AKT2: variants seen among roughly 807,000 people sequenced by gnomAD.
The protein encoded by AKT2 is RAC-beta serine/threonine-protein kinase.
AKT2 carries 16 observed loss-of-function variants against 58.6 expected under a neutral mutation model. The ratio of observed to expected loss-of-function variants is 0.27; its 90% CI spans 0.18 to 0.41. AKT2 has a LOEUF of 0.41. AKT2 is among the 10% of genes least tolerant of loss of function. The probability of loss-of-function intolerance (pLI) is 1.00; values close to 1 mark genes in which losing one functional copy is unlikely to be tolerated. For synonymous variants in AKT2, 253 were observed against 254.0 expected, an observed-to-expected ratio of 1.00 and a Z score of 0.04; for missense variants, 438 against 661.0, an observed-to-expected ratio of 0.66 and a Z score of 3.70.
At position 40,232,735 on chromosome 19, in the gene AKT2, C is replaced by T. The variant is rs967843573; in HGVS notation, c.*1137G>A. ...GCCCTCACACAAACACACATGCACA[C>T]ACACCCACGTGTGCCTGCGTCCCGC... On this transcript the variant is annotated 3_prime_UTR_variant, in exon 14 of 14. Coordinates refer to ENST00000392038, the MANE Select transcript of AKT2 (RefSeq NM_001626.6). 8.6e-6 allele frequency: 2 copies of T among 233,482 alleles called. No individual in the cohort carries two copies. Among genetic ancestry groups the T allele is most frequent in the African/African-American group, 4.4e-5 (2 of 45,356 alleles). 14.5% of individuals were successfully genotyped at this position (233,482 alleles called of 1,614,324 possible).
At chr19:40,279,751 G>A (rs1241457994) in intron 1 of AKT2, 1 of 152,100 alleles carries the variant, frequency 6.6e-6, no homozygotes, top group Non-Finnish European at 1.5e-5. Context: ...GGGCTACTGA[G>A]CTGTGGTGGG....
chr19:40,257,584 CAA>C (rs1390801273), intron 2 of AKT2, among the ~76,000 whole-genome samples: 2 of 98,572 alleles, frequency 2.0e-5, no homozygotes, highest in Non-Finnish European at 4.3e-5. Flanking sequence ...CCTATGCACA[CAA>C]ACACACACAC....
chr19:40,233,193 T>G lies in AKT2; in HGVS notation c.*679A>C. Reference sequence around the variant, plus strand: ...TGCCTCATCCATAGGGTGAGGACAGTTTGGTGGGGAGGAGGCCGGACCAGG... The same window carrying G: ...TGCCTCATCCATAGGGTGAGGACAGGTTGGTGGGGAGGAGGCCGGACCAGG... On this transcript the variant is annotated 3_prime_UTR_variant, in exon 14 of 14. Coordinates refer to ENST00000392038, the MANE Select transcript of AKT2 (RefSeq NM_001626.6). This position sits in a 1 kb window ranked among gnomAD's most constrained non-coding sequence, Gnocchi z 4.3. 3.8e-6 allele frequency: 1 copy of G among 262,798 alleles called. No homozygotes were observed. The allele number at this position is 262,798 out of a possible 1,614,324, so 16.3% of individuals were successfully genotyped here. A position where few individuals can be genotyped will look rare whatever the true frequency, so the allele number is the denominator to read the frequency against.
chr19:40,239,352 C>T (rs910653541), intron 7 of AKT2: 9 of 244,202 alleles, frequency 3.7e-5, no homozygotes, highest in Non-Finnish European at 7.3e-5. Context: ...ACTTCAATGA[C>T]AGGATGGACA....
intron 1 of AKT2, among the ~76,000 whole-genome samples, chr19:40,280,330 C>T (rs112648130): frequency 2.0e-5 from 3 of 152,176 alleles, no homozygotes; most frequent in African/African-American, 7.2e-5. Context: ...GTAACAGCCA[C>T]GGGCTCTGGA....
chr19:40,252,555 T>A (rs925588342), intron 4 of AKT2, among the ~76,000 whole-genome samples: 1 of 151,988 alleles, frequency 6.6e-6, no homozygotes, highest in African/African-American at 2.4e-5. Flanking sequence ...GTAACTACCC[T>A]GGGACAAACC....
At chr19:40,264,402 T>C (rs1027191428) in intron 2 of AKT2, among the ~76,000 whole-genome samples, 3 of 152,134 alleles carry the variant, frequency 2.0e-5, no homozygotes, top group Non-Finnish European at 4.4e-5. Flanking sequence ...TACAAATGGA[T>C]CAGGCCACGC....
At chr19:40,268,064 G>C (rs1484342217) in intron 1 of AKT2, among the ~76,000 whole-genome samples, 1 of 152,142 alleles carries the variant, frequency 6.6e-6, no homozygotes, top group Non-Finnish European at 1.5e-5. Context: ...AACACCAAGG[G>C]CCTTCTGGGC....
rs1974441376 is a variant in AKT2, at chr19:40,242,050, T to C, written c.461A>G (p.Tyr154Cys). ...RAKVTMNDFDYLKLLGKGTFG... is the reference protein window; with the variant it reads ...RAKVTMNDFDCLKLLGKGTFG... ...GGTTCCCTTGCCAAGGAGTTTGAGA[T>C]AGTCGAAGTCATTCATGGTCTGCCA... The change falls in exon 6 of 14, where the codon TAT (tyrosine) becomes TGT (cysteine). Residue 154 changes from tyrosine to cysteine, a missense_variant. This residue lies in a region of AKT2 where 244 missense variants were observed against 347.1 expected (regional missense o/e 0.70). Coordinates refer to ENST00000392038, the MANE Select transcript of AKT2 (RefSeq NM_001626.6). This position sits in a 1 kb window ranked among gnomAD's most constrained non-coding sequence, Gnocchi z 4.3. The C allele has an allele frequency of 3.1e-6, 5 of 1,614,218 alleles. No individual in the cohort carries two copies. Among genetic ancestry groups the C allele is most frequent in the Non-Finnish European group, 3.4e-6 (4 of 1,180,036 alleles).
intron 4 of AKT2, among the ~76,000 whole-genome samples, chr19:40,248,245 A>G (rs560542839): frequency 6.6e-6 from 1 of 152,360 alleles, no homozygotes; most frequent in Admixed American, 6.5e-5. Flanking sequence ...GACACTAGAC[A>G]TAAAGTGCTG....
In AKT2 at chr19:40,242,376, C is replaced by T; in HGVS notation, c.441+158G>A. On this transcript the variant is annotated intron_variant, in intron 5 of 13. Transcript: ENST00000392038. The surrounding 1 kb of genome is among the most constrained non-coding windows in gnomAD (Gnocchi z 4.3). ...CTCCCCTACGGGCATGGAGCACACC[C>T]TAGGGCACCTGCCACCTGAAATCAC... 8.3e-7 allele frequency: 1 copy of T among 1,209,908 alleles called. No individual in the cohort carries two copies. The highest frequency in any genetic ancestry group is 1.2e-6 in the Non-Finnish European group (1 of 832,876). The allele number at this position is 1,209,908 out of a possible 1,614,324, so 74.9% of individuals were successfully genotyped here.
intron 1 of AKT2, among the ~76,000 whole-genome samples, chr19:40,278,777 G>T (rs2077371665): frequency 6.6e-6 from 1 of 151,914 alleles, no homozygotes; most frequent in South Asian, 2.1e-4. Context: ...CAACGCAGCA[G>T]CTCCGTGCAT....
At chr19:40,254,398 C>T (rs532994430) in intron 4 of AKT2, among the ~76,000 whole-genome samples, 2 of 151,990 alleles carry the variant, frequency 1.3e-5, no homozygotes, top group East Asian at 1.9e-4. Flanking sequence ...TGTGGTGGCA[C>T]GTGCCTGTAA....
At chr19:40,254,066 G>A (rs1325260081) in intron 4 of AKT2, among the ~76,000 whole-genome samples, 1 of 152,036 alleles carries the variant, frequency 6.6e-6, no homozygotes, top group Admixed American at 6.5e-5. Flanking sequence ...TAACTGGGGG[G>A]CAGGGAGGTG....
Position 40,241,941 on chromosome 19 carries a change from G to A in AKT2, c.570C>T (p.Ala190=). 1.9e-6 allele frequency: 3 copies of A among 1,613,966 alleles called. No individual in the cohort carries two copies. In the South Asian group the frequency reaches 3.3e-5, roughly 18 times the overall value. ...MKILRKEVII[A]KDEVAHTVTE... ...GCGCAATTCCCGGGGCACGCACCTTGGCAATGATGACTTCCTTCCGCAGGA... is the reference window on the plus strand; with the variant it reads ...GCGCAATTCCCGGGGCACGCACCTTAGCAATGATGACTTCCTTCCGCAGGA... Residue 190 remains alanine, a synonymous_variant, in exon 6 of 14, where the codon GCC becomes GCT. Transcript: ENST00000392038.
chr19:40,279,362 G>C (rs1385034846), intron 1 of AKT2: 1 of 152,712 alleles, frequency 6.5e-6, no homozygotes. Flanking sequence ...CTCCCAGGCT[G>C]TCTCCCCCAG....
Position 40,254,221 on chromosome 19 carries a change from AAT to A in AKT2, c.287+935_287+936del, listed in dbSNP as rs1339696648. On this transcript the variant is annotated intron_variant, in intron 4 of 13. Coordinates refer to ENST00000392038, the MANE Select transcript of AKT2 (RefSeq NM_001626.6). ...TCTCTGGACCACCTGCCTCAAAATCAATAGAGATGCTCATTAAGAATGTAGGT... is the reference window on the plus strand; with the variant it reads ...TCTCTGGACCACCTGCCTCAAAATCAAGAGATGCTCATTAAGAATGTAGGT... 3.9e-5 allele frequency among the ~76,000 whole-genome samples: 6 copies of A among 152,278 alleles called. No individual in the cohort carries two copies. The East Asian group carries it at 1.2e-3, about 29-fold the overall frequency.
chr19:40,260,255 A>AG (rs1975840547), intron 2 of AKT2, among the ~76,000 whole-genome samples: 1 of 152,196 alleles, frequency 6.6e-6, no homozygotes, highest in African/African-American at 2.4e-5. Context: ...AGTGTTGGCA[A>AG]GGATATAAAC....
intron 1 of AKT2, among the ~76,000 whole-genome samples, chr19:40,270,128 T>C (rs1976606107): frequency 6.6e-6 from 1 of 152,196 alleles, no homozygotes; most frequent in African/African-American, 2.4e-5. Context: ...CTCACGTCCC[T>C]TTCTTGAGAA....
Sources: allele counts gnomAD v4.1 joint callset (sites outside exome capture counted in the v4.1 genomes callset), GRCh38; gene constraint gnomAD v4.1.1; regional missense constraint gnomAD v4.1.1; non-coding constraint Gnocchi (gnomAD v3.1); transcripts MANE v1.5; gene names NCBI Gene and HGNC (gene_info 2026-07-23, HGNC 2026-07-21).